ATIC: variants seen among roughly 807,000 people sequenced by gnomAD.
ATIC encodes bifunctional purine biosynthesis protein ATIC.
In ATIC, 64 loss-of-function variants were observed where a neutral mutation model predicts 72.5. The ratio of observed to expected loss-of-function variants is 0.88; its 90% CI spans 0.72 to 1.09. The LOEUF is 1.09. Among genes scored for constraint, ATIC ranks in the 50% least tolerant of loss-of-function variants. The pLI is 0.00. For synonymous variants in ATIC, 281 were observed against 267.1 expected, an observed-to-expected ratio of 1.05 and a Z score of -0.51; for missense variants, 787 against 732.4, an observed-to-expected ratio of 1.07 and a Z score of -0.86.
At chr2:215,364,809 G>A in the ATIC span, 22 of 1,023,704 alleles carry the variant, frequency 2.1e-5, no homozygotes, top group Middle Eastern at 2.5e-4. Context: ...CTGTGTGTAC[G>A]ACACATCCTT....
At chr2:215,367,462 T>C in the ATIC span, among the ~76,000 whole-genome samples, 1 of 152,212 alleles carries the variant, frequency 6.6e-6, no homozygotes, top group African/African-American at 2.4e-5. Flanking sequence ...GGAGGCTGTT[T>C]TTGAGTCTAA....
the ATIC span, chr2:215,365,358 T>C: frequency 0.26 from 228,085 of 887,640 alleles, 34,370 homozygotes; most frequent in Non-Finnish European, 0.32. Flanking sequence ...TTGTCTCCAC[T>C]TTCCCAAATC....
chr2:215,319,720 C>T lies in ATIC; in HGVS notation c.279C>T (p.Phe93=), dbSNP rs748443665. 27 of 1,608,988 alleles carry T rather than the reference C, an allele frequency of 1.7e-5. No individual in the cohort carries two copies. Among genetic ancestry groups the T allele is most frequent in the Non-Finnish European group, 2.2e-5 (26 of 1,175,554 alleles). The stretch of plus-strand genomic sequence containing the variant: ...ATGCTGACATGGCCAGACTTGATTT[C>T]AATCTTATAAGGTAAAAACCTGAAA... The part of the protein sequence containing the change: ...EDNADMARLD[F]NLIRVVACNL... The change falls in exon 4 of 16, where the codon TTC becomes TTT. Residue 93 remains phenylalanine (F), a synonymous_variant. Coordinates refer to ENST00000236959, the MANE Select transcript of ATIC (RefSeq NM_004044.7).
At chr2:215,319,515 C>T (rs2052744500) in intron 3 of ATIC, 150 bp from the exon 4 acceptor site, 2 of 637,946 alleles carry the variant, frequency 3.1e-6, no homozygotes, top group South Asian at 3.7e-5. Flanking sequence ...TACAATCCAG[C>T]CTGGGCGATA....
intron 7 of ATIC, among the ~76,000 whole-genome samples, chr2:215,330,875 T>G (rs1442677691): frequency 6.6e-6 from 1 of 152,180 alleles, no homozygotes; most frequent in Non-Finnish European, 1.5e-5. Context: ...ATTTCCAGAA[T>G]GTCAGATAGT....
intron 9 of ATIC, among the ~76,000 whole-genome samples, 156 bp downstream of exon 9, chr2:215,333,613 T>C (rs758415678): frequency 2.0e-4 from 30 of 152,166 alleles, no homozygotes; most frequent in Non-Finnish European, 3.5e-4. Context: ...AAATATACAG[T>C]TATTCTATAT....
intron 11 of ATIC, 29 bp downstream of exon 11, chr2:215,336,153 A>C: frequency 6.6e-7 from 1 of 1,523,092 alleles, no homozygotes; most frequent in Non-Finnish European, 9.1e-7. Flanking sequence ...TGAAGCGGTA[A>C]TTTGCTCTTT....
intron 14 of ATIC, among the ~76,000 whole-genome samples, chr2:215,348,002 G>A (rs2053090210): frequency 6.6e-6 from 1 of 152,130 alleles, no homozygotes; most frequent in South Asian, 2.1e-4. Flanking sequence ...AGATGGCACA[G>A]CCCTCTCTGG....
intron 4 of ATIC, among the ~76,000 whole-genome samples, chr2:215,320,320 A>ACTGTGTTAGT (rs758977116): frequency 3.9e-5 from 6 of 152,178 alleles, no homozygotes; most frequent in Non-Finnish European, 7.3e-5. Context: ...TGCAACCATT[A>ACTGTGTTAGT]CTGTGTTAGT....
At chr2:215,313,776 A>G (rs1478626457) in intron 2 of ATIC, among the ~76,000 whole-genome samples, 1 of 152,166 alleles carries the variant, frequency 6.6e-6, no homozygotes, top group African/African-American at 2.4e-5. Flanking sequence ...TTTATTAACA[A>G]ATACATAACT....
downstream of ATIC, chr2:215,349,811 TTGAAC>T: frequency 7.5e-7 from 1 of 1,336,702 alleles, no homozygotes. Context: ...TGCAGGCTCT[TTGAAC>T]TGACACATGA....
At chr2:215,361,559 T>C in the ATIC span, 2 of 1,600,938 alleles carry the variant, frequency 1.2e-6, no homozygotes, top group Non-Finnish European at 1.7e-6. Context: ...GATGATTTAC[T>C]CTCGGGAATC....
At chr2:215,355,834 T>C in the ATIC span, among the ~76,000 whole-genome samples, 14 of 152,302 alleles carry the variant, frequency 9.2e-5, no homozygotes, top group East Asian at 2.7e-3. Flanking sequence ...CTCGAGGAAA[T>C]TGTCTTTGTG....
At chr2:215,345,825 A>G (rs1448825164) in intron 13 of ATIC, among the ~76,000 whole-genome samples, 9 of 152,160 alleles carry the variant, frequency 5.9e-5, no homozygotes, top group Admixed American at 5.9e-4. Flanking sequence ...GGTCTCTTTT[A>G]TTCTCTTGTA....
At chr2:215,321,865 G>T (rs2052771000) in intron 4 of ATIC, among the ~76,000 whole-genome samples, 1 of 152,124 alleles carries the variant, frequency 6.6e-6, no homozygotes, top group South Asian at 2.1e-4. Context: ...TCATTCTATG[G>T]ATTGTGTTAG....
chr2:215,334,955 C>T lies in ATIC; in HGVS notation c.959C>T (p.Ala320Val). 1 of 1,613,520 alleles carries T rather than the reference C, an allele frequency of 6.2e-7. No homozygotes were observed. Among genetic ancestry groups the T allele is most frequent in the Non-Finnish European group, 8.5e-7 (1 of 1,179,716 alleles). ...DRMSSFGDFVALSDVCDVPTA... is the reference protein window; with the variant it reads ...DRMSSFGDFVVLSDVCDVPTA... Reference sequence around the variant, plus strand: ...ATGTCTTCATTTGGTGATTTTGTTGCATTGTCCGATGTTTGTGATGTACCA... The same window carrying T: ...ATGTCTTCATTTGGTGATTTTGTTGTATTGTCCGATGTTTGTGATGTACCA... The change falls in exon 10 of 16, where the codon GCA becomes GTA. Residue 320 changes from alanine to valine, a missense_variant. Physicochemically the swap from Ala to Val is moderately conservative, Grantham distance 64 (BLOSUM62 0). Coordinates refer to ENST00000236959, the MANE Select transcript of ATIC (RefSeq NM_004044.7).
At chr2:215,366,458 GATAAA>G in the ATIC span, among the ~76,000 whole-genome samples, 1 of 152,040 alleles carries the variant, frequency 6.6e-6, no homozygotes, top group African/African-American at 2.4e-5. Flanking sequence ...AATGAACCCG[GATAAA>G]ATAAAACAAA....
chr2:215,338,333 A>G (rs572085678), intron 11 of ATIC, among the ~76,000 whole-genome samples: 4 of 152,330 alleles, frequency 2.6e-5, no homozygotes, highest in African/African-American at 9.6e-5. Context: ...ATTTTGTAAC[A>G]GATTTTTAGA....
chr2:215,342,828 C>A (rs941645737), intron 12 of ATIC, among the ~76,000 whole-genome samples: 2 of 152,122 alleles, frequency 1.3e-5, no homozygotes, highest in African/African-American at 4.8e-5. Context: ...TACAGGCATG[C>A]GGCACCACAC....
Sources: allele counts gnomAD v4.1 joint callset (sites outside exome capture counted in the v4.1 genomes callset), GRCh38; gene constraint gnomAD v4.1.1; transcripts MANE v1.5; gene names NCBI Gene and HGNC (gene_info 2026-07-23, HGNC 2026-07-21).